The following APOBEC3B variants were observed in gnomAD, a reference collection of about 807,000 sequenced individuals.
APOBEC3B encodes apolipoprotein B mRNA editing enzyme catalytic subunit 3B.
APOBEC3B carries 29 observed loss-of-function variants against 53.4 expected under a neutral mutation model. The ratio of observed to expected loss-of-function variants is 0.54; its 90% CI spans 0.40 to 0.74. The LOEUF is 0.74. Among genes scored for constraint, APOBEC3B ranks in the 30% least tolerant of loss-of-function variants. The probability of loss-of-function intolerance (pLI) is 0.00; values close to 1 mark genes in which losing one functional copy is unlikely to be tolerated. For synonymous variants in APOBEC3B, 132 were observed against 184.8 expected (o/e 0.71, Z 2.32); for missense variants, 347 against 496.2 (o/e 0.70, Z 2.86).
In APOBEC3B at chr22:38,982,606, A is replaced by T. The variant is rs1923578295; in HGVS notation, c.17+136A>T. Reference sequence around the variant, plus strand: ...TCCCCTCTGGCTCCCCTGCCACACGAATCCCAGTCAGGCTCTTTGTCCTGC... The same window carrying T: ...TCCCCTCTGGCTCCCCTGCCACACGTATCCCAGTCAGGCTCTTTGTCCTGC... On this transcript the variant is annotated intron_variant, in intron 1 of 7. Coordinates refer to ENST00000333467, the MANE Select transcript of APOBEC3B (RefSeq NM_004900.5). 3 of 1,071,226 alleles carry T rather than the reference A, an allele frequency of 2.8e-6. 1 individual carries two copies. The highest frequency in any genetic ancestry group is 4.1e-6 in the Non-Finnish European group (3 of 737,108). 66.4% of individuals were successfully genotyped at this position (1,071,226 alleles called of 1,614,324 possible).
chr22:38,992,276 C>A, intron 7 of APOBEC3B, 127 bp downstream of exon 7: 1 of 1,535,136 alleles, frequency 6.5e-7, no homozygotes, highest in Non-Finnish European at 8.8e-7. Flanking sequence ...GCGCCCAGCT[C>A]CGTCCCTCCC....
In APOBEC3B at chr22:38,982,786, G is replaced by A. The variant is rs115556229; in HGVS notation, c.17+316G>A. On this transcript the variant is annotated intron_variant, in intron 1 of 7. Coordinates refer to ENST00000333467, the MANE Select transcript of APOBEC3B (RefSeq NM_004900.5). ...TCTGTGTGCTTCCTGCCACTCCTGA[G>A]CTCAGAAACTGGGAGAATTGAACCA... is the stretch of plus-strand genomic sequence containing the variant. Among the ~76,000 whole-genome samples the A allele has an allele frequency of 5.5e-3, 825 of 149,004 alleles. 45 individuals carry two copies. The highest frequency in any genetic ancestry group is 0.019 in the African/African-American group (799 of 40,980).
chr22:38,984,358 G>A, intron 2 of APOBEC3B, 127 bp downstream of exon 2: 6 of 1,224,812 alleles, frequency 4.9e-6, no homozygotes, highest in Non-Finnish European at 6.6e-6. Context: ...ATCCAAAAAG[G>A]CTGAGCCCTT....
Position 38,992,590 on chromosome 22 carries a change from G to C in APOBEC3B, c.*145G>C, listed in dbSNP as rs1924057163. ...AGCAAAGCAATGTGCTCCTGATCAA[G>C]TAGATTTTTTAAAAATCAGAGTCAA... On this transcript the variant is annotated 3_prime_UTR_variant, in exon 8 of 8. Coordinates refer to ENST00000333467, the MANE Select transcript of APOBEC3B (RefSeq NM_004900.5). 1 of 1,558,902 alleles carries C rather than the reference G, an allele frequency of 6.4e-7. No individual in the cohort carries two copies. The highest frequency in any genetic ancestry group is 2.0e-5 in the Admixed American group (1 of 49,614).
At chr22:38,982,497 G>T in intron 1 of APOBEC3B, 27 bp downstream of exon 1, 2 of 1,592,362 alleles carry the variant, frequency 1.3e-6, no homozygotes, top group Non-Finnish European at 1.7e-6. Flanking sequence ...TGCCTGCTGG[G>T]CCCCTCCTGC....
At chr22:38,989,186 TC>T (rs1923889555) in intron 4 of APOBEC3B, among the ~76,000 whole-genome samples, 1 of 147,796 alleles carries the variant, frequency 6.8e-6, no homozygotes, top group Non-Finnish European at 1.5e-5. Flanking sequence ...GGCAGGGTCC[TC>T]CCCGGAGGGC....
chr22:38,988,695 T>TTCTC (rs1213178091), intron 4 of APOBEC3B, among the ~76,000 whole-genome samples: 816 of 75,252 alleles, frequency 0.011, 81 homozygotes, highest in Non-Finnish European at 0.015. Context: ...CTTTCTTTCT[T>TTCTC]TCTTTCTTTC....
At chr22:38,988,012 C>T (rs1443176848) in intron 4 of APOBEC3B, among the ~76,000 whole-genome samples, 3 of 148,462 alleles carry the variant, frequency 2.0e-5, no homozygotes, top group Middle Eastern at 3.2e-3. Context: ...GCAGGAGAAT[C>T]GCTTGAACCC....
In APOBEC3B at chr22:38,985,886, C is replaced by T. The variant is rs1228483540; in HGVS notation, c.249C>T (p.Tyr83=). 1.9e-6 allele frequency: 3 copies of T among 1,596,876 alleles called. No individual in the cohort carries two copies. The highest frequency in any genetic ancestry group is 1.7e-5 in the Admixed American group (1 of 57,468). ...TCTGTGGCAACCAGCTGCCTGCTTA[C>T]AAGTGTTTCCAGATCACCTGGTTTG... ...SWFCGNQLPA[Y]KCFQITWFVS... Residue 83 remains tyrosine (Y), a synonymous_variant, in exon 3 of 8, where the codon TAC becomes TAT. Transcript: ENST00000333467.
intron 4 of APOBEC3B, among the ~76,000 whole-genome samples, chr22:38,988,048 GA>G (rs892058558): frequency 3.4e-5 from 5 of 148,658 alleles, no homozygotes; most frequent in African/African-American, 1.2e-4. Flanking sequence ...GCTGGTCACG[GA>G]AACACCCAGG....
chr22:38,989,257 T>C lies in APOBEC3B; in HGVS notation c.570-200T>C, dbSNP rs1299844448. 5.4e-5 allele frequency among the ~76,000 whole-genome samples: 8 copies of C among 148,140 alleles called. 1 individual carries two copies. The highest frequency in any genetic ancestry group is 2.0e-4 in the African/African-American group (8 of 40,708). On this transcript the variant is annotated intron_variant, in intron 4 of 7. Transcript: ENST00000333467. ...ACAAGGCCTAAACAGGCCCCGGGGCTGTGTTGACTTCCTGATAATCCACCA... is the reference window on the plus strand; with the variant it reads ...ACAAGGCCTAAACAGGCCCCGGGGCCGTGTTGACTTCCTGATAATCCACCA...
chr22:38,988,901 G>T (rs1430428827), intron 4 of APOBEC3B, among the ~76,000 whole-genome samples: 1 of 146,178 alleles, frequency 6.8e-6, no homozygotes, highest in African/African-American at 2.5e-5. Context: ...TGCCCCATCT[G>T]GCCTGAGAAG....
At chr22:38,988,172 C>T (rs960105808) in intron 4 of APOBEC3B, among the ~76,000 whole-genome samples, 2 of 148,500 alleles carry the variant, frequency 1.3e-5, no homozygotes, top group African/African-American at 4.9e-5. Context: ...ACCCCTGGGG[C>T]CTCTCTTTTC....
chr22:38,989,449 G>C lies in APOBEC3B; in HGVS notation c.570-8G>C. ...AGGGCTTTTGGTTTCCCCTGTCTTTGTCCACAGATACCTGATGGATCCAGA... is the reference window on the plus strand; with the variant it reads ...AGGGCTTTTGGTTTCCCCTGTCTTTCTCCACAGATACCTGATGGATCCAGA... On this transcript the variant is annotated splice_polypyrimidine_tract_variant and splice_region_variant and intron_variant, in intron 4 of 7. Transcript: ENST00000333467. 6.4e-7 allele frequency: 1 copy of C among 1,560,540 alleles called. No homozygotes were observed. Among genetic ancestry groups the C allele is most frequent in the East Asian group, 2.5e-5 (1 of 39,290 alleles).
chr22:38,985,775 C>T lies in APOBEC3B; in HGVS notation c.175-37C>T, dbSNP rs372574079. The T allele has an allele frequency of 4.6e-5, 71 of 1,556,446 alleles. 6 individuals are homozygous for T. Among genetic ancestry groups the T allele is most frequent in the Admixed American group, 1.5e-4 (8 of 53,614 alleles). On this transcript the variant is annotated intron_variant, in intron 2 of 7. Coordinates refer to ENST00000333467, the MANE Select transcript of APOBEC3B (RefSeq NM_004900.5). ...CACCCCTGCACTCCTCCTGCTCCCCCTCTCAGAGCATCCCCTGCCCCCTGC... is the reference window on the plus strand; with the variant it reads ...CACCCCTGCACTCCTCCTGCTCCCCTTCTCAGAGCATCCCCTGCCCCCTGC...
intron 2 of APOBEC3B, among the ~76,000 whole-genome samples, chr22:38,984,444 T>C (rs1923654255): frequency 6.7e-6 from 1 of 148,674 alleles, no homozygotes; most frequent in South Asian, 2.2e-4. Context: ...CAGTGACAGG[T>C]CACATAATCT....
chr22:38,982,498 C>A (rs768999602), intron 1 of APOBEC3B, 28 bp downstream of exon 1: 2 of 1,592,336 alleles, frequency 1.3e-6, no homozygotes, highest in South Asian at 2.3e-5. Flanking sequence ...GCCTGCTGGG[C>A]CCCTCCTGCC....
At chr22:38,982,596 C>A in intron 1 of APOBEC3B, 126 bp downstream of exon 1, 1 of 1,163,494 alleles carries the variant, frequency 8.6e-7, no homozygotes. Context: ...TCTGGCTCCC[C>A]TGCCACACGA....
At chr22:38,983,755 G>T (rs1328455385) in intron 1 of APOBEC3B, among the ~76,000 whole-genome samples, 2 of 149,158 alleles carry the variant, frequency 1.3e-5, no homozygotes, top group Non-Finnish European at 3.0e-5. Flanking sequence ...TTTTAGGGGT[G>T]AAGGGTTTTA....
Sources: gnomAD v4.1 joint callset for allele counts (sites outside exome capture counted in the v4.1 genomes callset) on GRCh38, gnomAD v4.1.1 for gene constraint, MANE v1.5 for transcripts, NCBI Gene and HGNC (gene_info 2026-07-23, HGNC 2026-07-21) for gene names.